Variants in CSMD1 observed in about 807,000 individuals in gnomAD.
CSMD1 encodes CUB and Sushi multiple domains 1.
Under a neutral mutation model 417.5 loss-of-function variants are expected in CSMD1, and 213 were observed. The observed-to-expected ratio is 0.51, with a 90% CI of 0.46 to 0.57. The LOEUF (loss-of-function observed/expected upper bound fraction) is 0.57, where lower values mean the gene tolerates loss of function less well. Ranked by LOEUF, CSMD1 falls within the 20% of genes least tolerant of loss-of-function variation. The probability of loss-of-function intolerance (pLI) is 0.00; values close to 1 mark genes in which losing one functional copy is unlikely to be tolerated. For missense variants in CSMD1, 6,923 were observed against 4,529.7 expected (o/e 1.53, Z -15.17); for synonymous variants, 2,862 against 1,736.8 (o/e 1.65, Z -16.11).
intron 1 of CSMD1, among the ~76,000 whole-genome samples, chr8:4,837,522 G>A (rs1224297881): frequency 1.3e-5 from 2 of 152,240 alleles, no homozygotes; most frequent in East Asian, 3.9e-4. Flanking sequence ...ATAGCTTTTT[G>A]CAGCTTTGGT....
intron 5 of CSMD1, among the ~76,000 whole-genome samples, chr8:3,963,442 G>A (rs921306101): frequency 6.6e-6 from 1 of 152,076 alleles, no homozygotes; most frequent in Non-Finnish European, 1.5e-5. Context: ...TGGTCTCTTT[G>A]TCCAACTTAA....
intron 4 of CSMD1, among the ~76,000 whole-genome samples, chr8:4,014,510 T>A (rs1361481212): frequency 2.0e-5 from 3 of 152,186 alleles, no homozygotes; most frequent in East Asian, 1.9e-4. Flanking sequence ...CTGTTCCCCC[T>A]TACTCTTCAA....
At chr8:3,621,906 A>G (rs1796261283) in intron 7 of CSMD1, among the ~76,000 whole-genome samples, 1 of 151,960 alleles carries the variant, frequency 6.6e-6, no homozygotes, top group African/African-American at 2.4e-5. Flanking sequence ...GTGTCCAACC[A>G]GAAGTGTATG....
At chr8:4,325,210 C>T (rs1242377770) in intron 3 of CSMD1, among the ~76,000 whole-genome samples, 1 of 152,178 alleles carries the variant, frequency 6.6e-6, no homozygotes, top group Non-Finnish European at 1.5e-5. Flanking sequence ...ACAGATGATA[C>T]ATTTCCAGGG....
At chr8:4,158,885 T>A (rs779232406) in intron 3 of CSMD1, among the ~76,000 whole-genome samples, 6 of 152,198 alleles carry the variant, frequency 3.9e-5, no homozygotes, top group Non-Finnish European at 7.3e-5. Context: ...TTTACTACTG[T>A]TTCCAGCTGA....
intron 1 of CSMD1, among the ~76,000 whole-genome samples, chr8:4,696,524 T>C (rs748034343): frequency 6.6e-6 from 1 of 152,206 alleles, no homozygotes; most frequent in East Asian, 1.9e-4. Context: ...TTAAACATTA[T>C]CCTACCCTGG....
chr8:4,324,174 T>TA (rs1349562517), intron 3 of CSMD1, among the ~76,000 whole-genome samples: 3 of 152,192 alleles, frequency 2.0e-5, no homozygotes, highest in African/African-American at 7.2e-5. Context: ...GGAAATAGTA[T>TA]AAAAAATATA....
chr8:3,507,998 G>T (rs1474137575), intron 10 of CSMD1, among the ~76,000 whole-genome samples: 2 of 152,112 alleles, frequency 1.3e-5, no homozygotes, highest in Admixed American at 6.5e-5. Flanking sequence ...CTGTGCAGAG[G>T]CTCTTGAGTT....
intron 3 of CSMD1, among the ~76,000 whole-genome samples, chr8:4,390,915 G>C (rs1803807266): frequency 6.6e-6 from 1 of 152,140 alleles, no homozygotes; most frequent in Admixed American, 6.6e-5. Context: ...TAGAAAGGTA[G>C]TTATCAGTAG....
chr8:4,044,455 C>T (rs569011387), intron 3 of CSMD1, among the ~76,000 whole-genome samples: 14 of 152,182 alleles, frequency 9.2e-5, no homozygotes, highest in African/African-American at 2.6e-4. Flanking sequence ...CTGCTTAACT[C>T]GATTTAACTG....
intron 5 of CSMD1, among the ~76,000 whole-genome samples, chr8:3,817,504 C>G (rs1023143054): frequency 1.3e-5 from 2 of 151,880 alleles, no homozygotes; most frequent in African/African-American, 4.8e-5. Flanking sequence ...TGGTCTCAAT[C>G]TCCTGACCTT....
chr8:3,382,948 A>T (rs1356723747), intron 18 of CSMD1, among the ~76,000 whole-genome samples: 2 of 152,188 alleles, frequency 1.3e-5, no homozygotes. Context: ...GACAAAGAAA[A>T]CATGATGCTC....
intron 43 of CSMD1, 147 bp downstream of exon 43, chr8:3,110,011 A>C (rs1013833482): frequency 4.4e-6 from 3 of 675,112 alleles, no homozygotes; most frequent in Non-Finnish European, 7.3e-6. Context: ...TTGATTCCCT[A>C]TATCTCTGGA....
chr8:4,261,855 A>T (rs1253707730), intron 3 of CSMD1, among the ~76,000 whole-genome samples: 2 of 152,222 alleles, frequency 1.3e-5, no homozygotes, highest in Non-Finnish European at 2.9e-5. Flanking sequence ...TGTTCATTAT[A>T]CCCTAATGAA....
At chr8:3,737,894 C>T (rs1796605343) in intron 6 of CSMD1, among the ~76,000 whole-genome samples, 1 of 152,180 alleles carries the variant, frequency 6.6e-6, no homozygotes, top group African/African-American at 2.4e-5. Context: ...TGAGAATTCC[C>T]TCAAACTCTG....
chr8:3,607,181 C>G lies in CSMD1; in HGVS notation c.1097+9529G>C, dbSNP rs139028087. ...CTTTTGTTATAAACTAAAACATGAA[C>G]AAGCGCACTAGCCTAGGCCTGCACG... On this transcript the variant is annotated intron_variant, in intron 8 of 69. Transcript: ENST00000635120. Among the ~76,000 whole-genome samples, 89 of 152,188 alleles carry G rather than the reference C, an allele frequency of 5.8e-4. No individual in the cohort carries two copies. The East Asian group carries it at 0.015, about 25-fold the overall frequency.
At chr8:4,954,235 ATTATTT>A (rs2117298362) in intron 1 of CSMD1, among the ~76,000 whole-genome samples, 1 of 152,356 alleles carries the variant, frequency 6.6e-6, no homozygotes, top group Admixed American at 6.5e-5. Context: ...AGTTTAAGAA[ATTATTT>A]TTAAACAATT....
intron 3 of CSMD1, among the ~76,000 whole-genome samples, chr8:4,419,370 T>G (rs1797123447): frequency 6.6e-6 from 1 of 152,144 alleles, no homozygotes; most frequent in African/African-American, 2.4e-5. Flanking sequence ...AAGTTCTATC[T>G]CTGCATTTAA....
At chr8:4,832,958 A>G (rs1429505235) in intron 1 of CSMD1, among the ~76,000 whole-genome samples, 1 of 152,194 alleles carries the variant, frequency 6.6e-6, no homozygotes, top group African/African-American at 2.4e-5. Flanking sequence ...GATTTCATCA[A>G]GGAAATTCCT....
Sources: gnomAD v4.1 joint callset for allele counts (sites outside exome capture counted in the v4.1 genomes callset) on GRCh38, gnomAD v4.1.1 for gene constraint, MANE v1.5 for transcripts, NCBI Gene and HGNC (gene_info 2026-07-23, HGNC 2026-07-21) for gene names.